The following COL14A1 variants were observed in gnomAD, a reference collection of about 807,000 sequenced individuals.
COL14A1 encodes the protein collagen type XIV alpha 1 chain, also known as collagen alpha-1(XIV) chain.
COL14A1 carries 136 observed loss-of-function variants against 230.3 expected under a neutral mutation model. The ratio of observed to expected loss-of-function variants is 0.59; its 90% CI spans 0.51 to 0.68. The LOEUF is 0.68. Among genes scored for constraint, COL14A1 ranks in the 30% least tolerant of loss-of-function variants. The probability of loss-of-function intolerance (pLI) is 0.00; values close to 1 mark genes in which losing one functional copy is unlikely to be tolerated. For missense variants in COL14A1, 1,976 were observed against 2,215.8 expected, an observed-to-expected ratio of 0.89 and a Z score of 2.17; for synonymous variants, 792 against 784.1, an observed-to-expected ratio of 1.01 and a Z score of -0.17.
intron 5 of COL14A1, among the ~76,000 whole-genome samples, chr8:120,173,530 C>G (rs1586737409): frequency 7.6e-6 from 1 of 131,882 alleles, no homozygotes; most frequent in African/African-American, 2.6e-5. Context: ...GTCTGTCTCT[C>G]ATTCTCTCAT....
At chr8:120,125,528 G>T (rs1017439822) in intron 1 of COL14A1, among the ~76,000 whole-genome samples, 188 bp downstream of exon 1, 6 of 152,144 alleles carry the variant, frequency 3.9e-5, no homozygotes, top group African/African-American at 1.4e-4. Flanking sequence ...ATGCCTTTTC[G>T]CGGGGTTCAC....
chr8:120,208,465 T>G, intron 11 of COL14A1, 104 bp downstream of exon 11: 1 of 1,232,690 alleles, frequency 8.1e-7, no homozygotes, highest in South Asian at 1.6e-5. Context: ...ACATCCTGAA[T>G]CGAATTCAAT....
chr8:120,149,612 A>G (rs1266115929), intron 2 of COL14A1, among the ~76,000 whole-genome samples: 1 of 152,140 alleles, frequency 6.6e-6, no homozygotes, highest in Non-Finnish European at 1.5e-5. Flanking sequence ...ATAACTGATC[A>G]TATATAGCTC....
chr8:120,300,449 A>AT (rs562358067), intron 35 of COL14A1, among the ~76,000 whole-genome samples: 161 of 149,750 alleles, frequency 1.1e-3, no homozygotes, highest in African/African-American at 3.4e-3. Context: ...AGTAATCAAG[A>AT]TTTTTTTTTT....
At chr8:120,246,493 A>G (rs895237053) in intron 20 of COL14A1, among the ~76,000 whole-genome samples, 1 of 152,220 alleles carries the variant, frequency 6.6e-6, no homozygotes, top group Non-Finnish European at 1.5e-5. Context: ...ATGTTTGAAA[A>G]CCAAAATCAC....
At position 120,367,187 on chromosome 8, in the gene COL14A1, A is replaced by G. The variant is rs202119913; in HGVS notation, c.5094A>G (p.Lys1698=). The part of the protein sequence containing the change: ...TPGERGLTGI[K]GEKGNPGVGT... ...TTTAAACAGGTCTAACTGGTATCAA[A>G]GGAGAAAAAGGAAATCCAGGCGTTG... The change falls in exon 46 of 48, where the codon AAA becomes AAG. Residue 1698 remains lysine (K), a synonymous_variant. Coordinates refer to ENST00000297848, the MANE Select transcript of COL14A1 (RefSeq NM_021110.4). 6.2e-7 allele frequency: 1 copy of G among 1,613,098 alleles called. No homozygotes were observed. The highest frequency in any genetic ancestry group is 2.2e-5 in the East Asian group (1 of 44,826).
At chr8:120,290,975 G>T (rs893655128) in intron 34 of COL14A1, among the ~76,000 whole-genome samples, 1 of 152,156 alleles carries the variant, frequency 6.6e-6, no homozygotes, top group African/African-American at 2.4e-5. Context: ...GAGAATTATG[G>T]ATTAGATGTT....
intron 19 of COL14A1, among the ~76,000 whole-genome samples, chr8:120,234,485 C>T (rs1818376722): frequency 6.6e-6 from 1 of 152,066 alleles, no homozygotes; most frequent in Non-Finnish European, 1.5e-5. Context: ...GAGATACATT[C>T]CATCAATACC....
intron 45 of COL14A1, among the ~76,000 whole-genome samples, chr8:120,354,261 G>T (rs1306201517): frequency 3.0e-5 from 3 of 101,688 alleles, no homozygotes; most frequent in Non-Finnish European, 5.8e-5. Flanking sequence ...GGAGGGGGGA[G>T]GGATAGCATT....
chr8:120,150,731 T>G lies in COL14A1; in HGVS notation c.88+2801T>G, dbSNP rs192706191. On this transcript the variant is annotated intron_variant, in intron 2 of 47. Coordinates refer to ENST00000297848, the MANE Select transcript of COL14A1 (RefSeq NM_021110.4). The stretch of plus-strand genomic sequence containing the variant: ...ATGAGTTCAGTTTTAGACAAATATA[T>G]GGAGCTTAAGGTGTCTGTGGGACAT... Among the ~76,000 whole-genome samples, 390 of 152,210 alleles carry G rather than the reference T, an allele frequency of 2.6e-3. 2 individuals carry two copies. Among genetic ancestry groups the G allele is most frequent in the African/African-American group, 8.0e-3 (331 of 41,526 alleles).
At chr8:120,276,135 T>C (rs969702143) in intron 26 of COL14A1, among the ~76,000 whole-genome samples, 8 of 150,870 alleles carry the variant, frequency 5.3e-5, no homozygotes, top group African/African-American at 1.5e-4. Flanking sequence ...TAAAAAAATA[T>C]ATTATATATA....
intron 47 of COL14A1, 144 bp from the exon 48 acceptor site, chr8:120,371,008 G>A: frequency 2.9e-6 from 3 of 1,039,304 alleles, no homozygotes; most frequent in Non-Finnish European, 1.4e-6. Flanking sequence ...TATGGGGAAG[G>A]TACAAGGGGC....
At position 120,319,846 on chromosome 8, in the gene COL14A1, TA is replaced by T. The variant is rs1301868056; in HGVS notation, c.4659+3850del. 2.2e-3 allele frequency among the ~76,000 whole-genome samples: 330 copies of T among 152,144 alleles called. 1 individual carries two copies. Among genetic ancestry groups the T allele is most frequent in the African/African-American group, 7.2e-3 (298 of 41,416 alleles). On this transcript the variant is annotated intron_variant, in intron 40 of 47. Coordinates refer to ENST00000297848, the MANE Select transcript of COL14A1 (RefSeq NM_021110.4). ...TACAGGACCACACTTTAAAAAGCAA[TA>T]GTGCAAGTTCATATTTCACAGCCAA...
intron 45 of COL14A1, among the ~76,000 whole-genome samples, chr8:120,365,542 G>A (rs372516089): frequency 9.2e-5 from 14 of 152,310 alleles, no homozygotes; most frequent in African/African-American, 3.1e-4. Context: ...TACAAACTCC[G>A]ATTAGCTACT....
intron 47 of COL14A1, chr8:120,370,565 C>T (rs755406283): frequency 1.0e-4 from 150 of 1,458,546 alleles, no homozygotes; most frequent in South Asian, 1.7e-4. Flanking sequence ...GTGATAACAT[C>T]GGAACTTAAC....
intron 5 of COL14A1, among the ~76,000 whole-genome samples, chr8:120,181,215 T>C (rs530166676): frequency 2.6e-5 from 4 of 152,194 alleles, no homozygotes; most frequent in Admixed American, 2.0e-4. Context: ...TTAAGTCAAC[T>C]ATGGGGAGCT....
chr8:120,207,084 A>AACC lies in COL14A1; in HGVS notation c.1183_1185dup (p.Pro395dup). The AACC allele has an allele frequency of 1.2e-6, 2 of 1,611,470 alleles. No individual in the cohort carries two copies. Among genetic ancestry groups the AACC allele is most frequent in the Non-Finnish European group, 1.7e-6 (2 of 1,179,262 alleles). On this transcript the variant is annotated inframe_insertion, in exon 10 of 48. Transcript: ENST00000297848. ...GTGTATTATCCTACCAGGGGTGGAA[A>AACC]ACCAGACGAGGTAATAAGGAGAGAG... is the stretch of plus-strand genomic sequence containing the variant.
At chr8:120,358,593 C>T (rs1187168429) in intron 45 of COL14A1, among the ~76,000 whole-genome samples, 1 of 151,232 alleles carries the variant, frequency 6.6e-6, no homozygotes, top group Admixed American at 6.6e-5. Flanking sequence ...AAGTCGTCAT[C>T]GTGTAATTTA....
At chr8:120,347,717 C>A (rs1822572515) in intron 45 of COL14A1, among the ~76,000 whole-genome samples, 1 of 152,178 alleles carries the variant, frequency 6.6e-6, no homozygotes, top group African/African-American at 2.4e-5. Flanking sequence ...TGAAGTAAGG[C>A]CAAAAAGGCT....
Sources: allele counts gnomAD v4.1 joint callset (sites outside exome capture counted in the v4.1 genomes callset), GRCh38; gene constraint gnomAD v4.1.1; transcripts MANE v1.5; gene names NCBI Gene and HGNC (gene_info 2026-07-23, HGNC 2026-07-21).